KPNA1: variants seen among roughly 807,000 people sequenced by gnomAD.
The protein encoded by KPNA1 is karyopherin subunit alpha 1.
A neutral mutation model predicts 70.5 loss-of-function variants in KPNA1; 10 were observed. The observed-to-expected ratio is 0.14, with a 90% CI of 0.09 to 0.24. The LOEUF is 0.24. KPNA1 is among the 10% of genes least tolerant of loss of function. The pLI is 1.00. For missense variants in KPNA1, 397 were observed against 637.9 expected, an observed-to-expected ratio of 0.62 and a Z score of 4.07; for synonymous variants, 192 against 221.9, an observed-to-expected ratio of 0.87 and a Z score of 1.20.
At chr3:122,445,800 G>T (rs1316765740) in intron 9 of KPNA1, among the ~76,000 whole-genome samples, 1 of 152,130 alleles carries the variant, frequency 6.6e-6, no homozygotes, top group African/African-American at 2.4e-5. Context: ...GACACACATA[G>T]GCTCAAAATA....
intron 2 of KPNA1, 146 bp downstream of exon 2, chr3:122,496,290 AG>A (rs1372747448): frequency 1.7e-6 from 1 of 596,222 alleles, no homozygotes; most frequent in African/African-American, 1.9e-5. Context: ...ACTCCAAAAA[AG>A]TGTTGATTTT....
chr3:122,427,045 A>T lies in KPNA1; in HGVS notation c.1557T>A (p.Leu519=). The T allele has an allele frequency of 6.2e-7, 1 of 1,614,138 alleles. No individual in the cohort carries two copies. The highest frequency in any genetic ancestry group is 8.5e-7 in the Non-Finnish European group (1 of 1,180,010). The change falls in exon 14 of 14, where the codon CTT becomes CTA. Residue 519 remains leucine (L), a synonymous_variant. Transcript: ENST00000344337. ...EDSSIAPQVD[L]NQQQYIFQQC... is the part of the protein sequence containing the mutation. ...GTTGGAAGATGTACTGCTGCTGGTT[A>T]AGGTCAACCTGGGGTGCAATGCTGC...
At chr3:122,441,109 T>A (rs2076056454) in intron 10 of KPNA1, among the ~76,000 whole-genome samples, 1 of 152,170 alleles carries the variant, frequency 6.6e-6, no homozygotes, top group South Asian at 2.1e-4. Context: ...AAATAAGATC[T>A]ATGAATGAGG....
chr3:122,497,795 T>A (rs1337376298), intron 1 of KPNA1, among the ~76,000 whole-genome samples: 9 of 152,166 alleles, frequency 5.9e-5, no homozygotes, highest in African/African-American at 2.2e-4. Context: ...GTTGTAAGAG[T>A]TCTTTTTACA....
At chr3:122,514,132 T>C (rs1340774477) in intron 1 of KPNA1, among the ~76,000 whole-genome samples, 1 of 152,164 alleles carries the variant, frequency 6.6e-6, no homozygotes, top group African/African-American at 2.4e-5. Flanking sequence ...AGTTCTGTCA[T>C]TGCTATAATT....
chr3:122,429,355 G>A (rs983764817), intron 12 of KPNA1, among the ~76,000 whole-genome samples: 7 of 148,328 alleles, frequency 4.7e-5, no homozygotes, highest in East Asian at 2.0e-4. Context: ...GGAGGCTGAG[G>A]CAGAATTGCT....
chr3:122,443,383 C>A (rs1232991720), intron 9 of KPNA1, among the ~76,000 whole-genome samples: 2 of 152,238 alleles, frequency 1.3e-5, no homozygotes, highest in Admixed American at 6.5e-5. Context: ...AGGGCATAGG[C>A]TGAACAAAAG....
intron 9 of KPNA1, among the ~76,000 whole-genome samples, chr3:122,449,332 T>C (rs1046706066): frequency 6.6e-6 from 1 of 152,150 alleles, no homozygotes; most frequent in African/African-American, 2.4e-5. Flanking sequence ...ACTACACATA[T>C]CAGAGTTTTC....
chr3:122,509,526 A>G lies in KPNA1; in HGVS notation c.-6+5231T>C, dbSNP rs188273317. ...GTAGATCTGCATTACAGAATTCTAC[A>G]TTAGACACAACTATACATACTTACA... On this transcript the variant is annotated intron_variant, in intron 1 of 13. Transcript: ENST00000344337. Among the ~76,000 whole-genome samples, 6 of 152,258 alleles carry G rather than the reference A, an allele frequency of 3.9e-5. No homozygotes were observed. The East Asian group carries it at 1.2e-3, about 29-fold the overall frequency.
chr3:122,504,665 C>G (rs912034439), intron 1 of KPNA1, among the ~76,000 whole-genome samples: 1 of 152,132 alleles, frequency 6.6e-6, no homozygotes, highest in African/African-American at 2.4e-5. Flanking sequence ...TCTGCGCACA[C>G]GCATGTATGT....
At chr3:122,434,770 T>C (rs913817816) in intron 11 of KPNA1, among the ~76,000 whole-genome samples, 4 of 152,204 alleles carry the variant, frequency 2.6e-5, no homozygotes, top group Non-Finnish European at 5.9e-5. Flanking sequence ...TTTCTCCCTG[T>C]TTCTTCCTGG....
intron 4 of KPNA1, among the ~76,000 whole-genome samples, chr3:122,461,800 G>A (rs1342919757): frequency 6.6e-6 from 1 of 152,184 alleles, no homozygotes; most frequent in Admixed American, 6.5e-5. Context: ...AGATTGACTT[G>A]CCAACTTAGT....
At chr3:122,430,515 A>AGTGT (rs10662409) in intron 12 of KPNA1, among the ~76,000 whole-genome samples, 3,684 of 141,418 alleles carry the variant, frequency 0.026, 123 homozygotes, top group African/African-American at 0.074. Context: ...CTGTACTACC[A>AGTGT]GTGTGTGTGT....
At chr3:122,452,148 C>T in intron 6 of KPNA1, 84 bp from the exon 7 acceptor site, 3 of 865,330 alleles carry the variant, frequency 3.5e-6, no homozygotes, top group Non-Finnish European at 5.9e-6. Context: ...CACAATAACA[C>T]GTTCATCAGG....
At chr3:122,461,664 G>C (rs1359406642) in intron 4 of KPNA1, among the ~76,000 whole-genome samples, 1 of 152,142 alleles carries the variant, frequency 6.6e-6, no homozygotes, top group Non-Finnish European at 1.5e-5. Flanking sequence ...CCTGTTTCCT[G>C]TACATGAGTT....
intron 2 of KPNA1, among the ~76,000 whole-genome samples, chr3:122,495,410 CAT>C (rs1314381772): frequency 6.6e-6 from 1 of 151,974 alleles, no homozygotes; most frequent in Non-Finnish European, 1.5e-5. Flanking sequence ...GTCAAGAACT[CAT>C]AACTTAATTT....
chr3:122,427,221 T>C (rs1043245090), intron 13 of KPNA1, 49 bp from the exon 14 acceptor site: 1 of 1,363,654 alleles, frequency 7.3e-7, no homozygotes, highest in South Asian at 1.2e-5. Flanking sequence ...TCAATAAATA[T>C]TGGAAATTCC....
intron 2 of KPNA1, among the ~76,000 whole-genome samples, chr3:122,483,747 G>A (rs763039088): frequency 1.3e-5 from 2 of 152,130 alleles, no homozygotes; most frequent in Non-Finnish European, 2.9e-5. Context: ...TTTTTTAAGT[G>A]TAAATGCTTT....
At chr3:122,435,698 C>T (rs1205771817) in intron 11 of KPNA1, among the ~76,000 whole-genome samples, 1 of 152,218 alleles carries the variant, frequency 6.6e-6, no homozygotes, top group Non-Finnish European at 1.5e-5. Flanking sequence ...CCTGTCTTTA[C>T]TGCAGTCTCT....
Sources: gnomAD v4.1 joint callset for allele counts (sites outside exome capture counted in the v4.1 genomes callset) on GRCh38, gnomAD v4.1.1 for gene constraint, MANE v1.5 for transcripts, NCBI Gene and HGNC (gene_info 2026-07-23, HGNC 2026-07-21) for gene names.